Variants in COMMD1 observed in about 807,000 individuals in gnomAD.
COMMD1 encodes copper metabolism domain containing 1, also known as COMM domain-containing protein 1.
In COMMD1, 10 loss-of-function variants were observed where a neutral mutation model predicts 17.2. That is an observed-to-expected ratio of 0.58 (90% confidence interval 0.36 to 0.99). The LOEUF (loss-of-function observed/expected upper bound fraction) is 0.99, where lower values mean the gene tolerates loss of function less well. Among genes scored for constraint, COMMD1 ranks in the 50% least tolerant of loss-of-function variants. The probability of loss-of-function intolerance (pLI) is 0.01; values close to 1 mark genes in which losing one functional copy is unlikely to be tolerated. For missense variants in COMMD1, 270 were observed against 231.8 expected (o/e 1.17, Z -1.07); for synonymous variants, 97 against 91.6 (o/e 1.06, Z -0.34).
At chr2:62,080,912 A>G (rs957971645) in intron 2 of COMMD1, among the ~76,000 whole-genome samples, 12 of 151,974 alleles carry the variant, frequency 7.9e-5, no homozygotes, top group African/African-American at 2.4e-4. Context: ...TTCTTTTTTA[A>G]TAGCTGCATA....
intron 2 of COMMD1, among the ~76,000 whole-genome samples, chr2:62,071,333 G>A (rs1185972137): frequency 6.6e-6 from 1 of 152,210 alleles, no homozygotes; most frequent in Non-Finnish European, 1.5e-5. Flanking sequence ...ATGACCAGAG[G>A]TCACTTTTAT....
In COMMD1 at chr2:62,055,866, GA is replaced by G. The variant is rs765717149; in HGVS notation, c.462+54885del. ...GGCACAATTGATAGAGAGCATTAAT[GA>G]GTCACTGTGGCACGCAGTCCAGGTT... On this transcript the variant is annotated intron_variant, in intron 2 of 2. Transcript: ENST00000311832. Among the ~76,000 whole-genome samples, 26 of 152,346 alleles carry G rather than the reference GA, an allele frequency of 1.7e-4. No individual in the cohort carries two copies. The South Asian group carries it at 2.1e-3, about 12-fold the overall frequency.
chr2:61,922,614 C>A (rs1183641664), intron 1 of COMMD1, among the ~76,000 whole-genome samples: 1 of 152,118 alleles, frequency 6.6e-6, no homozygotes, highest in Non-Finnish European at 1.5e-5. Flanking sequence ...CCATGCCCGG[C>A]CTAGGATTGT....
intron 2 of COMMD1, among the ~76,000 whole-genome samples, chr2:62,100,553 C>T (rs187557737): frequency 1.6e-4 from 24 of 152,010 alleles, no homozygotes; most frequent in Non-Finnish European, 2.9e-4. Context: ...AGGCAGGAGG[C>T]GGGGAAGGGG....
intron 1 of COMMD1, among the ~76,000 whole-genome samples, chr2:61,964,867 T>A (rs1169089428): frequency 1.3e-5 from 2 of 151,948 alleles, no homozygotes; most frequent in Non-Finnish European, 2.9e-5. Context: ...GGTGAAACCC[T>A]GTCTCTAGTA....
chr2:62,061,995 A>G (rs1051791068), intron 2 of COMMD1, among the ~76,000 whole-genome samples: 37 of 151,544 alleles, frequency 2.4e-4, no homozygotes, highest in Non-Finnish European at 4.6e-4. Context: ...AAAAAAAAAA[A>G]AAAAACAGAA....
chr2:61,990,101 A>G (rs1223157510), intron 1 of COMMD1, among the ~76,000 whole-genome samples: 3 of 152,236 alleles, frequency 2.0e-5, no homozygotes, highest in Non-Finnish European at 4.4e-5. Context: ...GGCAGAGAGA[A>G]TAGCCTAGGC....
At chr2:61,994,049 C>T (rs1668673632) in intron 1 of COMMD1, among the ~76,000 whole-genome samples, 1 of 152,058 alleles carries the variant, frequency 6.6e-6, no homozygotes, top group Non-Finnish European at 1.5e-5. Context: ...TGCAGTGGCG[C>T]AATCTTGGCT....
At chr2:61,928,891 A>G (rs1005090926) in intron 1 of COMMD1, among the ~76,000 whole-genome samples, 2 of 152,210 alleles carry the variant, frequency 1.3e-5, no homozygotes, top group South Asian at 2.1e-4. Flanking sequence ...AGAGAAAACT[A>G]TGTCTATACA....
chr2:61,929,366 T>G (rs1196444496), intron 1 of COMMD1, among the ~76,000 whole-genome samples: 1 of 152,208 alleles, frequency 6.6e-6, no homozygotes, highest in Admixed American at 6.5e-5. Flanking sequence ...AATTTCATCT[T>G]GCTATCTGCA....
At chr2:62,077,727 C>T (rs530841557) in intron 2 of COMMD1, among the ~76,000 whole-genome samples, 1 of 151,784 alleles carries the variant, frequency 6.6e-6, no homozygotes, top group East Asian at 1.9e-4. Context: ...TGGTCATGGC[C>T]CGTGACACAG....
intron 1 of COMMD1, among the ~76,000 whole-genome samples, chr2:61,895,453 GC>G (rs1288774820): frequency 2.0e-5 from 3 of 152,090 alleles, no homozygotes; most frequent in African/African-American, 2.4e-5. Flanking sequence ...GCCCTCTTTG[GC>G]CTTGGTCCTG....
At chr2:62,015,346 T>C (rs968368325) in intron 2 of COMMD1, among the ~76,000 whole-genome samples, 2 of 152,244 alleles carry the variant, frequency 1.3e-5, no homozygotes, top group African/African-American at 4.8e-5. Context: ...GTAGTACATA[T>C]CAGGATTTCA....
At chr2:61,993,989 C>CTTCTTTCT (rs953377911) in intron 1 of COMMD1, among the ~76,000 whole-genome samples, 1 of 150,028 alleles carries the variant, frequency 6.7e-6, no homozygotes. Flanking sequence ...TCCTTCTTTC[C>CTTCTTTCT]TTCTTTCTTT....
At chr2:62,023,173 C>G (rs1380283888) in intron 2 of COMMD1, among the ~76,000 whole-genome samples, 2 of 151,342 alleles carry the variant, frequency 1.3e-5, no homozygotes, top group Non-Finnish European at 2.9e-5. Flanking sequence ...TTGCAATGAG[C>G]TGAGATCGTG....
At chr2:61,998,766 G>A (rs562121599) in intron 1 of COMMD1, among the ~76,000 whole-genome samples, 1 of 152,264 alleles carries the variant, frequency 6.6e-6, no homozygotes, top group South Asian at 2.1e-4. Context: ...TGAATACTTA[G>A]AGGCCATCGT....
rs146111240 is a variant in COMMD1, at chr2:62,093,140, C to G, written c.463-42691C>G. ...TTTCCCAACTGTTAAGGTGGTAGCC[C>G]TCCAACAAGGAAATCTTTCTACTCA... On this transcript the variant is annotated intron_variant, in intron 2 of 2. Coordinates refer to ENST00000311832, the MANE Select transcript of COMMD1 (RefSeq NM_152516.4). Among the ~76,000 whole-genome samples the G allele has an allele frequency of 5.3e-3, 800 of 152,292 alleles. 14 individuals carry two copies. Among genetic ancestry groups the G allele is most frequent in the Admixed American group, 0.045 (693 of 15,296 alleles).
chr2:61,977,512 G>A (rs901541048), intron 1 of COMMD1, among the ~76,000 whole-genome samples: 1 of 151,758 alleles, frequency 6.6e-6, no homozygotes, highest in African/African-American at 2.4e-5. Context: ...CCAAAGTGCT[G>A]GGATTACAGG....
At chr2:61,996,227 A>G (rs770595710) in intron 1 of COMMD1, among the ~76,000 whole-genome samples, 1 of 152,120 alleles carries the variant, frequency 6.6e-6, no homozygotes, top group Admixed American at 6.6e-5. Context: ...TTGCTAAAAA[A>G]TGCTAATGAT....
Sources: gnomAD v4.1 joint callset for allele counts (sites outside exome capture counted in the v4.1 genomes callset) on GRCh38, gnomAD v4.1.1 for gene constraint, MANE v1.5 for transcripts, NCBI Gene and HGNC (gene_info 2026-07-23, HGNC 2026-07-21) for gene names.